ANK3: variants seen among roughly 807,000 people sequenced by gnomAD.
ANK3 encodes the protein ankyrin 3.
ANK3 carries 57 observed loss-of-function variants against 370.9 expected under a neutral mutation model. The observed-to-expected ratio is 0.15, with a 90% CI of 0.12 to 0.19. The LOEUF is 0.19. ANK3 is among the 10% of genes least tolerant of loss of function. ANK3 has a pLI of 1.00. For synonymous variants in ANK3, 1,929 were observed against 1,946.3 expected (o/e 0.99, Z 0.23); for missense variants, 4,439 against 5,302.1 (o/e 0.84, Z 5.06).
intron 2 of ANK3, among the ~76,000 whole-genome samples, chr10:60,607,817 T>A (rs139925333): frequency 6.6e-6 from 1 of 152,216 alleles, no homozygotes; most frequent in East Asian, 1.9e-4. Flanking sequence ...CGCAGATGAG[T>A]AGCCAAGAGT....
At chr10:60,468,434 AC>A (rs1286953259) in intron 2 of ANK3, among the ~76,000 whole-genome samples, 1 of 152,190 alleles carries the variant, frequency 6.6e-6, no homozygotes. Flanking sequence ...AGAAAAAGGA[AC>A]AGCAATAATT....
chr10:60,137,376 A>AAAAAG, intron 24 of ANK3: 1 of 283,100 alleles, frequency 3.5e-6, no homozygotes, highest in Non-Finnish European at 6.7e-6. Context: ...AATTTTAGGA[A>AAAAAG]AAAAAAAAAA....
chr10:60,030,938 C>T (rs963903374), intron 43 of ANK3, among the ~76,000 whole-genome samples: 2 of 152,032 alleles, frequency 1.3e-5, no homozygotes, highest in African/African-American at 4.8e-5. Flanking sequence ...CATTTGTAGC[C>T]CTTTGGGCCT....
In ANK3 at chr10:60,056,023, T is replaced by G; in HGVS notation, c.12700A>C (p.Arg4234=). The change falls in exon 42 of 44, where the codon AGA becomes CGA. Residue 4234 remains arginine (R), a synonymous_variant. Coordinates refer to ENST00000280772, the MANE Select transcript of ANK3 (RefSeq NM_020987.5). ...DRLDDSPDQC[R]DSITSYLKGE... ...TTGAGATATGAGGTAATGGAATCTC[T>G]ACACTGGTCAGGGCTGCAACAGAAA... The G allele has an allele frequency of 6.2e-7, 1 of 1,611,954 alleles. No homozygotes were observed. The highest frequency in any genetic ancestry group is 8.5e-7 in the Non-Finnish European group (1 of 1,179,416).
chr10:60,081,596 T>C (rs2085270511), intron 35 of ANK3: 3 of 384,606 alleles, frequency 7.8e-6, no homozygotes, highest in African/African-American at 4.2e-5. Context: ...AGCAAATATT[T>C]TGTATCACAT....
At position 60,076,870 on chromosome 10, in the gene ANK3, A is replaced by T. The variant is rs952101247; in HGVS notation, c.4433-422T>A. ...CATTCTATTTTGCCTGTATAGGTAC[A>T]TGTTTGTTTCGTGCAACCATACAAC... On this transcript the variant is annotated intron_variant, in intron 36 of 43. Transcript: ENST00000280772. 2.6e-5 allele frequency among the ~76,000 whole-genome samples: 4 copies of T among 152,320 alleles called. No individual in the cohort carries two copies. The East Asian group carries it at 7.7e-4, about 29-fold the overall frequency.
intron 2 of ANK3, among the ~76,000 whole-genome samples, chr10:60,415,989 T>C (rs1201316049): frequency 7.2e-6 from 1 of 139,196 alleles, no homozygotes; most frequent in Non-Finnish European, 1.5e-5. Context: ...ATGAGGCCTT[T>C]GGAAGGTGAT....
intron 2 of ANK3, among the ~76,000 whole-genome samples, chr10:60,418,151 C>T (rs936154839): frequency 5.3e-5 from 8 of 152,150 alleles, no homozygotes; most frequent in African/African-American, 1.9e-4. Flanking sequence ...TGTCTTACCT[C>T]TAATGCCGGC....
chr10:60,161,907 A>G (rs1269938518), intron 23 of ANK3, among the ~76,000 whole-genome samples: 2 of 152,208 alleles, frequency 1.3e-5, no homozygotes, highest in Admixed American at 6.5e-5. Context: ...AAAGGGTGGA[A>G]CCAGAATGTT....
chr10:60,124,898 T>C (rs1255756507), intron 25 of ANK3, among the ~76,000 whole-genome samples: 1 of 152,178 alleles, frequency 6.6e-6, no homozygotes, highest in East Asian at 1.9e-4. Flanking sequence ...TTCCATTAGG[T>C]AGCCAAAAGC....
chr10:60,333,515 T>C (rs903034844), intron 1 of ANK3, among the ~76,000 whole-genome samples: 1 of 152,236 alleles, frequency 6.6e-6, no homozygotes, highest in Non-Finnish European at 1.5e-5. Context: ...TTCCAGGGTG[T>C]ATATGTGGCA....
intron 8 of ANK3, 67 bp downstream of exon 8, chr10:60,234,621 G>A (rs930137056): frequency 1.1e-6 from 1 of 917,932 alleles, no homozygotes; most frequent in Non-Finnish European, 1.8e-6. Context: ...TCAGTGCAAA[G>A]GTATCAGGAA....
At chr10:60,587,020 C>A (rs1484342865) in intron 2 of ANK3, among the ~76,000 whole-genome samples, 1 of 152,128 alleles carries the variant, frequency 6.6e-6, no homozygotes, top group African/African-American at 2.4e-5. Flanking sequence ...AGGAAAGATG[C>A]TTAATTGACT....
At position 60,055,772 on chromosome 10, in the gene ANK3, C is replaced by T; in HGVS notation, c.12951G>A (p.Glu4317=). ...LEETSKLIIE[E]TKPCVPVSMK... The stretch of plus-strand genomic sequence containing the variant: ...TACTGACAGGCACACAGGGTTTAGT[C>T]TCTTCTATTATAAGCTTGCTGGTTT... The change falls in exon 42 of 44, where the codon GAG becomes GAA. Residue 4317 remains glutamate (E), a synonymous_variant. Transcript: ENST00000280772. 6.2e-7 allele frequency: 1 copy of T among 1,614,152 alleles called. No homozygotes were observed. Among genetic ancestry groups the T allele is most frequent in the South Asian group, 1.1e-5 (1 of 91,076 alleles).
At chr10:60,556,954 G>A (rs745602202) in intron 2 of ANK3, among the ~76,000 whole-genome samples, 3 of 152,144 alleles carry the variant, frequency 2.0e-5, no homozygotes, top group East Asian at 1.9e-4. Context: ...CTGTGCAAGC[G>A]AGGGCTCTAG....
intron 2 of ANK3, among the ~76,000 whole-genome samples, chr10:60,587,150 C>G (rs1485722467): frequency 6.6e-6 from 1 of 152,114 alleles, no homozygotes; most frequent in Non-Finnish European, 1.5e-5. Flanking sequence ...GTAGAAGGAA[C>G]TATCACTTAT....
chr10:60,390,762 AC>A (rs1369862130), upstream of ANK3, among the ~76,000 whole-genome samples: 12 of 64,184 alleles, frequency 1.9e-4, no homozygotes, highest in Non-Finnish European at 4.1e-4. Context: ...ACACACACAC[AC>A]ACAAACAACA....
intron 1 of ANK3, among the ~76,000 whole-genome samples, chr10:60,678,129 C>G (rs181061380): frequency 1.3e-3 from 202 of 152,252 alleles, no homozygotes; most frequent in South Asian, 2.9e-3. Flanking sequence ...TCCAGGTACA[C>G]AAAGGCAATG....
At chr10:60,394,360 C>T (rs533465760), upstream of ANK3, among the ~76,000 whole-genome samples, 42 of 152,116 alleles carry the variant, frequency 2.8e-4, no homozygotes, top group African/African-American at 9.2e-4. Flanking sequence ...GACTGGATAG[C>T]ATTGAGGGAC....
Sources: allele counts gnomAD v4.1 joint callset (sites outside exome capture counted in the v4.1 genomes callset), GRCh38; gene constraint gnomAD v4.1.1; transcripts MANE v1.5; gene names NCBI Gene and HGNC (gene_info 2026-07-23, HGNC 2026-07-21).